Variants in APBA2 observed in about 807,000 individuals in gnomAD.
APBA2 encodes the protein amyloid beta precursor protein binding family A member 2.
Under a neutral mutation model 75.0 loss-of-function variants are expected in APBA2, and 30 were observed. The observed-to-expected ratio is 0.40, with a 90% CI of 0.30 to 0.54. APBA2 has a LOEUF of 0.54. Among genes scored for constraint, APBA2 ranks in the 20% least tolerant of loss-of-function variants. APBA2 has a pLI of 0.49. For missense variants in APBA2, 801 were observed against 1,016.1 expected (o/e 0.79, Z 2.88); for synonymous variants, 444 against 409.6 (o/e 1.08, Z -1.01).
At chr15:28,984,578 G>A in intron 2 of APBA2, among the ~76,000 whole-genome samples, 1 of 151,948 alleles carries the variant, frequency 6.6e-6, no homozygotes, top group East Asian at 1.9e-4. Flanking sequence ...GGAGGGGCGC[G>A]CTGTGGTTAC....
chr15:29,075,967 C>T, intron 5 of APBA2, 88 bp from the exon 6 acceptor site: 1 of 1,211,730 alleles, frequency 8.3e-7, no homozygotes, highest in Non-Finnish European at 1.2e-6. Context: ...CTCATTATGG[C>T]TCATATCACA....
chr15:29,115,726 C>T (rs980231317), intron 14 of APBA2, among the ~76,000 whole-genome samples: 5 of 152,244 alleles, frequency 3.3e-5, no homozygotes, highest in Admixed American at 6.5e-5. Context: ...TGAGGAACGC[C>T]GGGGAATGGC....
Position 29,117,231 on chromosome 15 carries a change from G to C in APBA2, c.*98G>C, listed in dbSNP as rs2045243236. On this transcript the variant is annotated 3_prime_UTR_variant, in exon 15 of 15. Transcript: ENST00000683413. ...CCGCAGACTTGACCCCGACGCCACA[G>C]CCCAGCCACGGACGCTGGCTCCCCA... 2 of 1,169,608 alleles carry C rather than the reference G, an allele frequency of 1.7e-6. No homozygotes were observed. Among genetic ancestry groups the C allele is most frequent in the Middle Eastern group, 2.5e-4 (1 of 4,044 alleles). 72.5% of individuals were successfully genotyped at this position (1,169,608 alleles called of 1,614,324 possible). A position where few individuals can be genotyped will look rare whatever the true frequency, so the allele number is the denominator to read the frequency against.
intron 2 of APBA2, among the ~76,000 whole-genome samples, chr15:28,926,816 T>C (rs1386513890): frequency 1.3e-5 from 2 of 152,024 alleles, no homozygotes; most frequent in Non-Finnish European, 2.9e-5. Context: ...TGGTTTCTTC[T>C]TTCAAAATTT....
chr15:29,053,767 G>A, intron 3 of APBA2, 78 bp from the exon 4 acceptor site: 1 of 853,312 alleles, frequency 1.2e-6, no homozygotes, highest in East Asian at 2.7e-5. Context: ...GGTGGGAGGT[G>A]CTGTGGTGAA....
At chr15:28,998,191 CTTCT>C (rs1360966096) in intron 3 of APBA2, among the ~76,000 whole-genome samples, 68 of 146,116 alleles carry the variant, frequency 4.7e-4, no homozygotes, top group African/African-American at 1.6e-3. Flanking sequence ...TTTTCTTATT[CTTCT>C]TTTTCTTTTT....
At chr15:29,086,207 C>T (rs904833399) in intron 6 of APBA2, among the ~76,000 whole-genome samples, 1 of 152,158 alleles carries the variant, frequency 6.6e-6, no homozygotes, top group Non-Finnish European at 1.5e-5. Context: ...TGGCCAGCGG[C>T]CTGGTGAGAG....
chr15:28,903,855 G>A lies in APBA2; in HGVS notation c.-205+17577G>A, dbSNP rs1035883902. On this transcript the variant is annotated intron_variant, in intron 1 of 14. Transcript: ENST00000683413. ...TGGAAGGCGGAAGACCTACACTGCC[G>A]GGGCCCTGGGCAAGTCACAGCCTCC... Among the ~76,000 whole-genome samples the A allele has an allele frequency of 4.1e-4, 62 of 152,134 alleles. 1 individual carries two copies. The highest frequency in any genetic ancestry group is 3.9e-4 in the East Asian group (2 of 5,174).
chr15:28,908,558 C>T (rs1476669762), intron 1 of APBA2, among the ~76,000 whole-genome samples: 2 of 152,048 alleles, frequency 1.3e-5, no homozygotes, highest in Admixed American at 6.5e-5. Context: ...ATCCACCCGC[C>T]TCCGCCTGTC....
At chr15:29,078,315 T>A (rs563706439) in intron 6 of APBA2, among the ~76,000 whole-genome samples, 2 of 139,650 alleles carry the variant, frequency 1.4e-5, no homozygotes, top group East Asian at 2.2e-4. Context: ...AAAAAAATAT[T>A]AAAAAGTCTA....
At chr15:29,056,253 G>A (rs1218248594) in intron 4 of APBA2, among the ~76,000 whole-genome samples, 4 of 152,176 alleles carry the variant, frequency 2.6e-5, no homozygotes, top group South Asian at 4.1e-4. Flanking sequence ...GAGATCTTGC[G>A]ATTGGAGAGC....
At chr15:28,967,984 T>G (rs1187102332) in intron 2 of APBA2, among the ~76,000 whole-genome samples, 1 of 152,202 alleles carries the variant, frequency 6.6e-6, no homozygotes, top group East Asian at 1.9e-4. Context: ...GCAACCACCA[T>G]TCTACTTTCT....
At chr15:29,101,961 GT>G (rs892585458) in intron 10 of APBA2, 177 bp downstream of exon 10, 2 of 685,172 alleles carry the variant, frequency 2.9e-6, no homozygotes, top group Non-Finnish European at 5.2e-6. Flanking sequence ...AGTGAATACA[GT>G]TTTATTCTAC....
chr15:29,059,215 ATGTG>A (rs146068016), intron 4 of APBA2, among the ~76,000 whole-genome samples: 2,562 of 149,868 alleles, frequency 0.017, 83 homozygotes, highest in African/African-American at 0.06. Context: ...TTTTGTTGAT[ATGTG>A]TGTGTGTGTG....
At chr15:29,042,896 T>G (rs190344135) in intron 3 of APBA2, among the ~76,000 whole-genome samples, 4 of 152,220 alleles carry the variant, frequency 2.6e-5, no homozygotes, top group Non-Finnish European at 4.4e-5. Flanking sequence ...CTCCAGCATG[T>G]TAAGAAAAAG....
intron 1 of APBA2, among the ~76,000 whole-genome samples, chr15:28,914,639 G>A (rs1378468507): frequency 6.6e-6 from 1 of 151,936 alleles, no homozygotes; most frequent in African/African-American, 2.4e-5. Context: ...TCCTGCCCGC[G>A]CACCCCGGAC....
At chr15:29,008,804 C>A (rs1174969850) in intron 3 of APBA2, among the ~76,000 whole-genome samples, 1 of 152,194 alleles carries the variant, frequency 6.6e-6, no homozygotes, top group Non-Finnish European at 1.5e-5. Context: ...CATTCGTGCC[C>A]CTGAGTGTCT....
chr15:29,009,102 A>G (rs2039274784), intron 3 of APBA2, among the ~76,000 whole-genome samples: 1 of 152,198 alleles, frequency 6.6e-6, no homozygotes, highest in Non-Finnish European at 1.5e-5. Context: ...GGCATCAGAA[A>G]ATCTGACTCA....
chr15:28,998,869 G>A (rs73370653), intron 3 of APBA2, among the ~76,000 whole-genome samples: 12,036 of 152,270 alleles, frequency 0.079, 653 homozygotes, highest in East Asian at 0.27. Context: ...GGCCTATGCC[G>A]GGCACGGTGG....
Sources: gnomAD v4.1 joint callset for allele counts (sites outside exome capture counted in the v4.1 genomes callset) on GRCh38, gnomAD v4.1.1 for gene constraint, MANE v1.5 for transcripts, NCBI Gene and HGNC (gene_info 2026-07-23, HGNC 2026-07-21) for gene names.